The following FMNL2 variants were observed in gnomAD, a reference collection of about 807,000 sequenced individuals.
FMNL2 encodes formin-like protein 2.
In FMNL2, 51 loss-of-function variants were observed where a neutral mutation model predicts 130.2. That is an observed-to-expected ratio of 0.39 (90% CI 0.31 to 0.49). The LOEUF (loss-of-function observed/expected upper bound fraction) is 0.49. Ranked by LOEUF, FMNL2 falls within the 20% of genes least tolerant of loss-of-function variation. The pLI is 0.85. For synonymous variants in FMNL2, 465 were observed against 467.1 expected (o/e 1.00, Z 0.06); for missense variants, 977 against 1,316.2 (o/e 0.74, Z 3.99).
chr2:152,403,662 C>G (rs1209543569), intron 1 of FMNL2, among the ~76,000 whole-genome samples: 1 of 152,076 alleles, frequency 6.6e-6, no homozygotes, highest in Non-Finnish European at 1.5e-5. Context: ...AGTGACAGAT[C>G]ACATACTTGG....
chr2:152,389,933 C>A, intron 1 of FMNL2: 1 of 1,116,050 alleles, frequency 9.0e-7, no homozygotes, highest in Non-Finnish European at 1.3e-6. Context: ...GCCGGGCTGG[C>A]CAAGGAAGCC....
intron 1 of FMNL2, among the ~76,000 whole-genome samples, chr2:152,431,025 T>C (rs79641102): frequency 0.035 from 5,393 of 152,280 alleles, 314 homozygotes; most frequent in African/African-American, 0.12. Context: ...TGATTGTGTT[T>C]TGCTTTACAA....
At chr2:152,501,805 C>A (rs1691851807) in intron 1 of FMNL2, among the ~76,000 whole-genome samples, 1 of 151,976 alleles carries the variant, frequency 6.6e-6, no homozygotes, top group African/African-American at 2.4e-5. Flanking sequence ...TGTACTGTTT[C>A]TCTAATGGGG....
At position 152,648,879 on chromosome 2, in the gene FMNL2, C is replaced by CTACT. The variant is rs1284752933; in HGVS notation, c.*977_*980dup. ...CTAAGTTTTTCATGCATTTCCCAGA[C>CTACT]TACTTATGGAGAATTGCAGTTTAAG... is the stretch of plus-strand genomic sequence containing the variant. On this transcript the variant is annotated 3_prime_UTR_variant, in exon 26 of 26. Coordinates refer to ENST00000288670, the MANE Select transcript of FMNL2 (RefSeq NM_052905.4). The CTACT allele has an allele frequency of 2.0e-5, 3 of 152,578 alleles. No individual in the cohort carries two copies. Among genetic ancestry groups the CTACT allele is most frequent in the South Asian group, 4.1e-4 (2 of 4,830 alleles). The allele number at this position is 152,578 out of a possible 1,614,324, so 9.5% of individuals were successfully genotyped here.
chr2:152,406,227 G>A (rs1685971423), intron 1 of FMNL2, among the ~76,000 whole-genome samples: 1 of 152,150 alleles, frequency 6.6e-6, no homozygotes, highest in South Asian at 2.1e-4. Context: ...TAGAATATGG[G>A]TTCCATGTAA....
intron 11 of FMNL2, among the ~76,000 whole-genome samples, chr2:152,613,531 T>A (rs565839352): frequency 1.3e-5 from 2 of 152,350 alleles, no homozygotes; most frequent in Non-Finnish European, 2.9e-5. Context: ...TAAGCTGTAT[T>A]GTAGAATTCC....
chr2:152,642,276 C>T (rs1683161091), intron 25 of FMNL2, among the ~76,000 whole-genome samples: 1 of 152,140 alleles, frequency 6.6e-6, no homozygotes, highest in Admixed American at 6.6e-5. Context: ...GAACATTGTA[C>T]ATTGGGATCC....
intron 1 of FMNL2, among the ~76,000 whole-genome samples, chr2:152,347,703 C>G (rs1682206706): frequency 6.6e-6 from 1 of 152,148 alleles, no homozygotes; most frequent in African/African-American, 2.4e-5. Flanking sequence ...AGGTATAAGA[C>G]TGTGAATTTC....
intron 1 of FMNL2, among the ~76,000 whole-genome samples, chr2:152,464,888 C>T (rs1689441857): frequency 6.6e-6 from 1 of 152,184 alleles, no homozygotes; most frequent in Admixed American, 6.5e-5. Context: ...TTGCCCTAAT[C>T]TCTGTCCTCA....
At chr2:152,420,297 G>A (rs965468765) in intron 1 of FMNL2, among the ~76,000 whole-genome samples, 1 of 152,162 alleles carries the variant, frequency 6.6e-6, no homozygotes, top group Non-Finnish European at 1.5e-5. Context: ...AAGCCAAATG[G>A]AACTGTTGGT....
At chr2:152,472,422 G>C (rs916190425) in intron 1 of FMNL2, among the ~76,000 whole-genome samples, 18 of 152,038 alleles carry the variant, frequency 1.2e-4, no homozygotes, top group African/African-American at 4.3e-4. Context: ...TCTTTTAAAA[G>C]AACTCATTTT....
At chr2:152,623,160 C>T (rs191426768) in intron 15 of FMNL2, among the ~76,000 whole-genome samples, 265 of 152,262 alleles carry the variant, frequency 1.7e-3, no homozygotes, top group African/African-American at 5.1e-3. Flanking sequence ...TTCTAGCGAG[C>T]GTCATGAGCC....
At chr2:152,593,860 A>AGAGAGAGTGTGT (rs1365489869) in intron 9 of FMNL2, among the ~76,000 whole-genome samples, 2 of 113,342 alleles carry the variant, frequency 1.8e-5, no homozygotes, top group African/African-American at 7.0e-5. Context: ...AGAGAGAGAG[A>AGAGAGAGTGTGT]GTGTGTGTGT....
At chr2:152,592,847 T>C (rs1679655890) in intron 9 of FMNL2, among the ~76,000 whole-genome samples, 1 of 152,216 alleles carries the variant, frequency 6.6e-6, no homozygotes, top group Admixed American at 6.5e-5. Context: ...CCAGGCACTT[T>C]CCACACATGT....
chr2:152,602,902 T>A (rs1698161667), intron 9 of FMNL2, among the ~76,000 whole-genome samples: 1 of 152,194 alleles, frequency 6.6e-6, no homozygotes, highest in Non-Finnish European at 1.5e-5. Flanking sequence ...GAGAGCATGT[T>A]CCACCATGAT....
chr2:152,454,563 A>T (rs1688845774), intron 1 of FMNL2, among the ~76,000 whole-genome samples: 1 of 152,146 alleles, frequency 6.6e-6, no homozygotes, highest in Non-Finnish European at 1.5e-5. Flanking sequence ...GAAAAAGCTC[A>T]TTTTTACTGA....
chr2:152,348,404 G>C (rs756463487), intron 1 of FMNL2, among the ~76,000 whole-genome samples: 5 of 152,154 alleles, frequency 3.3e-5, no homozygotes, highest in Admixed American at 6.6e-5. Flanking sequence ...CCTTGGGAAG[G>C]GTCCCAGCAA....
At chr2:152,361,809 T>G (rs1579479159) in intron 1 of FMNL2, among the ~76,000 whole-genome samples, 1 of 152,148 alleles carries the variant, frequency 6.6e-6, no homozygotes, top group Admixed American at 6.6e-5. Flanking sequence ...CCAAAGGGCT[T>G]TTGAGGGAAA....
chr2:152,609,606 A>AG (rs1477309892), intron 10 of FMNL2, among the ~76,000 whole-genome samples: 3 of 152,192 alleles, frequency 2.0e-5, no homozygotes, highest in Non-Finnish European at 4.4e-5. Context: ...TATTTTTTAA[A>AG]GCTCATTTAG....
Sources: allele counts gnomAD v4.1 joint callset (sites outside exome capture counted in the v4.1 genomes callset), GRCh38; gene constraint gnomAD v4.1.1; transcripts MANE v1.5; gene names NCBI Gene and HGNC (gene_info 2026-07-23, HGNC 2026-07-21).